ANO2: variants seen among roughly 807,000 people sequenced by gnomAD.
The protein encoded by ANO2 is anoctamin-2.
In ANO2, 101 loss-of-function variants were observed where a neutral mutation model predicts 124.2. The ratio of observed to expected loss-of-function variants is 0.81; its 90% CI spans 0.69 to 0.96. ANO2 has a LOEUF of 0.96. ANO2 is among the 40% of genes least tolerant of loss of function. ANO2 has a pLI of 0.00. For synonymous variants in ANO2, 486 were observed against 482.5 expected (o/e 1.01, Z -0.09); for missense variants, 1,293 against 1,274.5 (o/e 1.01, Z -0.22).
intron 19 of ANO2, among the ~76,000 whole-genome samples, chr12:5,607,663 T>C (rs1024845115): frequency 6.6e-6 from 1 of 152,090 alleles, no homozygotes; most frequent in African/African-American, 2.4e-5. Context: ...CCATCCTCAT[T>C]AACACCTGAG....
intron 14 of ANO2, among the ~76,000 whole-genome samples, chr12:5,669,995 G>A (rs559842505): frequency 1.3e-5 from 2 of 152,314 alleles, no homozygotes; most frequent in South Asian, 4.1e-4. Context: ...TTTAAACTGT[G>A]AGCCCACATA....
chr12:5,690,432 C>G (rs1948880339), intron 14 of ANO2, among the ~76,000 whole-genome samples: 1 of 152,180 alleles, frequency 6.6e-6, no homozygotes, highest in Non-Finnish European at 1.5e-5. Context: ...ATGAGGCAAC[C>G]AAAGCTCTTG....
intron 3 of ANO2, among the ~76,000 whole-genome samples, chr12:5,865,946 T>C (rs1281978673): frequency 6.6e-6 from 1 of 152,218 alleles, no homozygotes; most frequent in African/African-American, 2.4e-5. Context: ...AACGATCATT[T>C]GTTTGTCATC....
At chr12:5,647,875 T>C (rs1946727763) in intron 14 of ANO2, 74 bp from the exon 15 acceptor site, 9 of 1,099,040 alleles carry the variant, frequency 8.2e-6, no homozygotes, top group Non-Finnish European at 1.1e-5. Context: ...CATTTGCATA[T>C]ATTTGCATGC....
intron 14 of ANO2, among the ~76,000 whole-genome samples, chr12:5,661,946 A>G (rs1033304965): frequency 6.6e-6 from 1 of 152,224 alleles, no homozygotes; most frequent in African/African-American, 2.4e-5. Flanking sequence ...TCCCTCATGC[A>G]TGGTGTCAAC....
chr12:5,743,980 T>G (rs534921610), intron 12 of ANO2, among the ~76,000 whole-genome samples, 177 bp downstream of exon 12: 2 of 152,342 alleles, frequency 1.3e-5, no homozygotes, highest in South Asian at 4.1e-4. Context: ...AGGATATTCC[T>G]GTTTCTATTC....
chr12:5,625,255 G>T (rs1403023661), intron 16 of ANO2, among the ~76,000 whole-genome samples: 2 of 152,094 alleles, frequency 1.3e-5, no homozygotes, highest in Admixed American at 6.5e-5. Flanking sequence ...GTGTGTTGTT[G>T]TCCAGGCACA....
chr12:5,648,417 G>A (rs1426180036), intron 14 of ANO2, among the ~76,000 whole-genome samples: 1 of 152,204 alleles, frequency 6.6e-6, no homozygotes, highest in African/African-American at 2.4e-5. Context: ...TTGAGGCACA[G>A]GTTAAGCTGA....
chr12:5,640,638 T>A (rs1946304575), intron 15 of ANO2, among the ~76,000 whole-genome samples: 1 of 152,224 alleles, frequency 6.6e-6, no homozygotes, highest in Non-Finnish European at 1.5e-5. Context: ...TCATCATCAC[T>A]GGTCATCAGA....
chr12:5,865,961 C>T (rs1955416297), intron 3 of ANO2, among the ~76,000 whole-genome samples: 1 of 152,216 alleles, frequency 6.6e-6, no homozygotes, highest in Non-Finnish European at 1.5e-5. Flanking sequence ...GTCATCTCCC[C>T]TTTCACTCAC....
intron 2 of ANO2, among the ~76,000 whole-genome samples, chr12:5,922,133 G>A (rs146616921): frequency 9.1e-4 from 138 of 152,290 alleles, no homozygotes; most frequent in Admixed American, 2.7e-3. Context: ...CCACTCCAGA[G>A]GTGGGGAGGT....
intron 19 of ANO2, among the ~76,000 whole-genome samples, chr12:5,612,226 C>T (rs1944577139): frequency 6.6e-6 from 1 of 152,110 alleles, no homozygotes; most frequent in Non-Finnish European, 1.5e-5. Flanking sequence ...CCAACTATTC[C>T]ACCCTCCCCT....
chr12:5,922,931 T>A (rs1193112806), intron 1 of ANO2, 127 bp from the exon 2 acceptor site: 3 of 1,002,094 alleles, frequency 3.0e-6, no homozygotes, highest in Non-Finnish European at 4.1e-6. Flanking sequence ...AGCTGCCTCC[T>A]TGGTTAGTCC....
chr12:5,605,084 G>A (rs1415730755), intron 19 of ANO2, among the ~76,000 whole-genome samples: 2 of 152,074 alleles, frequency 1.3e-5, no homozygotes, highest in East Asian at 3.9e-4. Flanking sequence ...CCCTAGACAG[G>A]TCCCTACAGA....
Position 5,854,151 on chromosome 12 carries a change from A to G in ANO2, c.535-10T>C, listed in dbSNP as rs1268374775. 6.2e-7 allele frequency: 1 copy of G among 1,609,954 alleles called. No homozygotes were observed. Among genetic ancestry groups the G allele is most frequent in the African/African-American group, 1.3e-5 (1 of 74,790 alleles). ...ATCCCTGGCTTTTATTCTGCAAGGT[A>G]CAAAGAAAGAACAAATGGAAACACT... On this transcript the variant is annotated splice_polypyrimidine_tract_variant and intron_variant, in intron 3 of 24. Transcript: ENST00000682330.
At chr12:5,836,620 T>G (rs936588048) in intron 4 of ANO2, among the ~76,000 whole-genome samples, 1 of 152,188 alleles carries the variant, frequency 6.6e-6, no homozygotes, top group Non-Finnish European at 1.5e-5. Flanking sequence ...ATGGAACCTG[T>G]AGAAGTCTCC....
intron 14 of ANO2, among the ~76,000 whole-genome samples, chr12:5,652,951 G>C (rs1043704374): frequency 6.6e-6 from 1 of 152,046 alleles, no homozygotes; most frequent in Non-Finnish European, 1.5e-5. Flanking sequence ...CTCTCTGAAG[G>C]GGCAGTATCT....
Position 5,854,143 on chromosome 12 carries a change from T to G in ANO2, c.535-2A>C. On this transcript the variant is annotated splice_acceptor_variant, in intron 3 of 24. Transcript: ENST00000682330. LOFTEE classifies it high-confidence loss of function. The stretch of plus-strand genomic sequence containing the variant: ...AAAGATGGATCCCTGGCTTTTATTC[T>G]GCAAGGTACAAAGAAAGAACAAATG... 2.5e-6 allele frequency: 4 copies of G among 1,611,402 alleles called. No homozygotes were observed. The highest frequency in any genetic ancestry group is 3.4e-6 in the Non-Finnish European group (4 of 1,178,110).
chr12:5,808,312 C>A (rs1167545599), intron 7 of ANO2, among the ~76,000 whole-genome samples: 9 of 152,354 alleles, frequency 5.9e-5, no homozygotes, highest in Non-Finnish European at 4.4e-5. Context: ...CTCCATTATA[C>A]TCACAACAGA....
Sources: allele counts gnomAD v4.1 joint callset (sites outside exome capture counted in the v4.1 genomes callset), GRCh38; gene constraint gnomAD v4.1.1; transcripts MANE v1.5; gene names NCBI Gene and HGNC (gene_info 2026-07-23, HGNC 2026-07-21).